The following CNTN4 variants were observed in gnomAD, a reference collection of about 807,000 sequenced individuals.
CNTN4 encodes the protein contactin-4.
Under a neutral mutation model 122.5 loss-of-function variants are expected in CNTN4, and 77 were observed. That is an observed-to-expected ratio of 0.63 (90% CI 0.52 to 0.76). CNTN4 has a LOEUF of 0.76. Among genes scored for constraint, CNTN4 ranks in the 30% least tolerant of loss-of-function variants. The pLI is 0.00. For synonymous variants in CNTN4, 512 were observed against 447.0 expected, an observed-to-expected ratio of 1.15 and a Z score of -1.83; for missense variants, 1,256 against 1,259.1, an observed-to-expected ratio of 1.00 and a Z score of 0.04.
intron 2 of CNTN4, among the ~76,000 whole-genome samples, chr3:2,279,520 G>A (rs777721824): frequency 3.3e-5 from 5 of 152,088 alleles, no homozygotes; most frequent in Non-Finnish European, 7.4e-5. Context: ...CAGCAGACCT[G>A]GTCTCTTCAA....
intron 7 of CNTN4, among the ~76,000 whole-genome samples, chr3:2,824,129 TA>T (rs2150307659): frequency 7.0e-6 from 1 of 142,316 alleles, no homozygotes; most frequent in East Asian, 2.1e-4. Flanking sequence ...TCCGATTCCA[TA>T]AATCTGGGCT....
At chr3:2,903,074 C>A (rs546037129) in intron 12 of CNTN4, 69 bp downstream of exon 12, 86 of 1,504,342 alleles carry the variant, frequency 5.7e-5, no homozygotes, top group African/African-American at 9.6e-5. Flanking sequence ...TTGTTCTTTG[C>A]CAAGCATAAA....
intron 4 of CNTN4, among the ~76,000 whole-genome samples, chr3:2,716,766 T>C (rs1301551069): frequency 6.6e-6 from 1 of 152,178 alleles, no homozygotes; most frequent in Non-Finnish European, 1.5e-5. Context: ...CCTTACCACC[T>C]AGTAGCCCTT....
At chr3:2,228,599 T>C (rs894112588) in intron 2 of CNTN4, among the ~76,000 whole-genome samples, 28 of 152,124 alleles carry the variant, frequency 1.8e-4, no homozygotes, top group African/African-American at 6.3e-4. Context: ...TTATTTCTAA[T>C]GTATCAAATG....
chr3:2,187,427 C>T (rs921745554), intron 2 of CNTN4, among the ~76,000 whole-genome samples: 3 of 151,922 alleles, frequency 2.0e-5, no homozygotes, highest in African/African-American at 4.8e-5. Context: ...TTTTGGGAAT[C>T]ATTGGTCCTT....
intron 2 of CNTN4, among the ~76,000 whole-genome samples, chr3:2,105,688 A>T (rs56837225): frequency 0.029 from 4,353 of 152,148 alleles, 204 homozygotes; most frequent in African/African-American, 0.097. Flanking sequence ...AATTGATGAG[A>T]TTTGCGTGGA....
chr3:2,689,575 G>A (rs2085617134), intron 4 of CNTN4, among the ~76,000 whole-genome samples: 1 of 152,106 alleles, frequency 6.6e-6, no homozygotes, highest in African/African-American at 2.4e-5. Context: ...TTCCTTACAG[G>A]AGAAAGAAAC....
intron 2 of CNTN4, among the ~76,000 whole-genome samples, chr3:2,231,524 G>A (rs1422172896): frequency 6.6e-6 from 1 of 152,194 alleles, no homozygotes; most frequent in Admixed American, 6.5e-5. Flanking sequence ...TGAGGAAGCA[G>A]TACATCTATG....
chr3:2,659,711 A>G (rs1047857243), intron 4 of CNTN4, among the ~76,000 whole-genome samples: 2 of 152,114 alleles, frequency 1.3e-5, no homozygotes, highest in African/African-American at 4.8e-5. Flanking sequence ...CCAGAGCCAC[A>G]TCTTTTCATT....
At chr3:2,177,774 C>T (rs946620812) in intron 2 of CNTN4, among the ~76,000 whole-genome samples, 2 of 151,802 alleles carry the variant, frequency 1.3e-5, no homozygotes, top group African/African-American at 4.8e-5. Flanking sequence ...AGAATAATCT[C>T]CTTTACTTAA....
Position 2,994,613 on chromosome 3 carries a change from A to ATATATATATATATATATATATATG in CNTN4, c.1486+6142_1486+6143insATATATATATATATATATATATGT, listed in dbSNP as rs370506181. On this transcript the variant is annotated intron_variant, in intron 14 of 24. Coordinates refer to ENST00000418658, the MANE Select transcript of CNTN4 (RefSeq NM_175607.3). ...TTTTTTCATATATATATATATATAT[A>ATATATATATATATATATATATATG]TGTGTGTATATATATATTTGTACCA... Among the ~76,000 whole-genome samples the ATATATATATATATATATATATATG allele has an allele frequency of 2.2e-3, 310 of 142,030 alleles. 3 individuals carry two copies. Among genetic ancestry groups the ATATATATATATATATATATATATG allele is most frequent in the African/African-American group, 7.2e-3 (273 of 38,104 alleles). The allele number at this position is 142,030 out of a possible 152,430, so 93.2% of individuals were successfully genotyped here.
chr3:2,170,656 A>C (rs1206192882), intron 2 of CNTN4, among the ~76,000 whole-genome samples: 1 of 152,152 alleles, frequency 6.6e-6, no homozygotes, highest in Non-Finnish European at 1.5e-5. Flanking sequence ...TTTGATTTGG[A>C]GAAAAAAGTG....
chr3:2,259,146 C>T (rs1241734400), intron 2 of CNTN4, among the ~76,000 whole-genome samples: 1 of 151,912 alleles, frequency 6.6e-6, no homozygotes, highest in Non-Finnish European at 1.5e-5. Context: ...CCCTTTTCCC[C>T]AGCATCTTTA....
intron 3 of CNTN4, among the ~76,000 whole-genome samples, chr3:2,461,647 T>C (rs1193013214): frequency 6.6e-6 from 1 of 152,230 alleles, no homozygotes; most frequent in Non-Finnish European, 1.5e-5. Flanking sequence ...CTTAAGTGAC[T>C]TGTCAAGTTA....
chr3:3,033,232 A>G (rs1699327681), intron 16 of CNTN4, among the ~76,000 whole-genome samples: 4 of 152,214 alleles, frequency 2.6e-5, no homozygotes, highest in Admixed American at 6.5e-5. Flanking sequence ...AGGGGTCCCA[A>G]GACCAAAGGT....
chr3:2,283,141 A>C (rs1014472070), intron 2 of CNTN4, among the ~76,000 whole-genome samples: 1 of 152,176 alleles, frequency 6.6e-6, no homozygotes, highest in African/African-American at 2.4e-5. Context: ...TAAATGTTAC[A>C]TTACGTGAAT....
chr3:2,309,591 A>C (rs1440829756), intron 2 of CNTN4, among the ~76,000 whole-genome samples: 2 of 152,106 alleles, frequency 1.3e-5, no homozygotes, highest in East Asian at 1.9e-4. Flanking sequence ...CATGGCAGGG[A>C]AATGACAGAT....
intron 3 of CNTN4, among the ~76,000 whole-genome samples, chr3:2,452,314 C>G (rs1372079228): frequency 3.3e-5 from 5 of 152,172 alleles, no homozygotes; most frequent in Non-Finnish European, 7.4e-5. Flanking sequence ...AAGTTGATTA[C>G]TGCAGGAGCA....
intron 10 of CNTN4, among the ~76,000 whole-genome samples, chr3:2,899,451 A>C (rs942893299): frequency 3.9e-5 from 6 of 152,176 alleles, no homozygotes; most frequent in Non-Finnish European, 7.3e-5. Flanking sequence ...TGAACACATA[A>C]AGTTCCAGAA....
Sources: allele counts gnomAD v4.1 joint callset (sites outside exome capture counted in the v4.1 genomes callset), GRCh38; gene constraint gnomAD v4.1.1; transcripts MANE v1.5; gene names NCBI Gene and HGNC (gene_info 2026-07-23, HGNC 2026-07-21).